Variants in FCRL5 observed in about 807,000 individuals in gnomAD.
FCRL5 encodes Fc receptor like 5.
FCRL5 carries 79 observed loss-of-function variants against 92.1 expected under a neutral mutation model. That is an observed-to-expected ratio of 0.86 (90% CI 0.72 to 1.03). The LOEUF (loss-of-function observed/expected upper bound fraction) is 1.03. FCRL5 is among the 50% of genes least tolerant of loss of function. The probability of loss-of-function intolerance (pLI) is 0.00; values close to 1 mark genes in which losing one functional copy is unlikely to be tolerated. For missense variants in FCRL5, 1,160 were observed against 1,181.1 expected, an observed-to-expected ratio of 0.98 and a Z score of 0.26; for synonymous variants, 466 against 469.3, an observed-to-expected ratio of 0.99 and a Z score of 0.09.
In FCRL5 at chr1:157,531,027, CAG is replaced by C. The variant is rs1159620600; in HGVS notation, c.1682-3134_1682-3133del. On this transcript the variant is annotated intron_variant, in intron 8 of 16. Transcript: ENST00000361835. Reference sequence around the variant, plus strand: ...TTTGCACAGCAAAGGAAACAATTAACAGAGTAAAAAGACAACTTATAGAATGG... The same window carrying C: ...TTTGCACAGCAAAGGAAACAATTAACAGTAAAAAGACAACTTATAGAATGG... Among the ~76,000 whole-genome samples the C allele has an allele frequency of 3.0e-4, 46 of 152,080 alleles. 1 individual carries two copies. The highest frequency in any genetic ancestry group is 7.4e-5 in the Non-Finnish European group (5 of 68,004).
At position 157,542,978 on chromosome 1, in the gene FCRL5, C is replaced by T. The variant is rs139328860; in HGVS notation, c.1004G>A (p.Cys335Tyr). Residue 335 changes from cysteine to tyrosine, a missense_variant, in exon 6 of 17, where the codon TGT (cysteine) becomes TAT (tyrosine). Transcript: ENST00000361835. ...GAAGCTGATGGATGCTCCCCTTTCA[C>T]AGCGGACTGACTTGTGCCTCAGGGG... ...GVPLRHKSVR[C>Y]ERGASISFSL... 120 of 1,614,124 alleles carry T rather than the reference C, an allele frequency of 7.4e-5. No individual in the cohort carries two copies. The highest frequency in any genetic ancestry group is 9.8e-5 in the Non-Finnish European group (116 of 1,180,042).
chr1:157,548,639 C>G (rs1490916618), intron 2 of FCRL5, among the ~76,000 whole-genome samples: 2 of 152,220 alleles, frequency 1.3e-5, no homozygotes, highest in East Asian at 3.8e-4. Flanking sequence ...TGAACAGACA[C>G]TTCTCAAAAG....
intron 1 of FCRL5, among the ~76,000 whole-genome samples, chr1:157,551,749 C>T (rs1651828152): frequency 1.3e-5 from 2 of 152,224 alleles, no homozygotes; most frequent in Non-Finnish European, 2.9e-5. Context: ...TTGATAGAGA[C>T]TTACGTACAC....
chr1:157,540,961 G>A (rs1232557579), intron 6 of FCRL5, among the ~76,000 whole-genome samples: 1 of 152,168 alleles, frequency 6.6e-6, no homozygotes, highest in African/African-American at 2.4e-5. Context: ...GAGGCCCCGA[G>A]TGGGTGAGTC....
chr1:157,549,877 G>A (rs1651738456), intron 1 of FCRL5, among the ~76,000 whole-genome samples: 1 of 152,096 alleles, frequency 6.6e-6, no homozygotes, highest in Admixed American at 6.6e-5. Context: ...CAGGGTGTAA[G>A]TGCAATAACA....
At chr1:157,551,246 G>A (rs1186485187) in intron 1 of FCRL5, among the ~76,000 whole-genome samples, 1 of 152,162 alleles carries the variant, frequency 6.6e-6, no homozygotes, top group South Asian at 2.1e-4. Context: ...TGACCCCAGA[G>A]CCCATGTTAT....
At chr1:157,543,666 A>G (rs922086381) in intron 5 of FCRL5, among the ~76,000 whole-genome samples, 1 of 152,180 alleles carries the variant, frequency 6.6e-6, no homozygotes, top group Non-Finnish European at 1.5e-5. Flanking sequence ...GGGATGACAC[A>G]GGGCTCTACA....
chr1:157,518,049 T>C (rs531567238), intron 15 of FCRL5, among the ~76,000 whole-genome samples: 2 of 152,272 alleles, frequency 1.3e-5, no homozygotes, highest in South Asian at 2.1e-4. Flanking sequence ...GCCTCCAGAA[T>C]TGTGAGAAAT....
chr1:157,520,082 A>C (rs1650107373), intron 12 of FCRL5, among the ~76,000 whole-genome samples: 1 of 152,180 alleles, frequency 6.6e-6, no homozygotes, highest in Non-Finnish European at 1.5e-5. Context: ...TCGGAAAATT[A>C]CTGAATCCTA....
In FCRL5 at chr1:157,544,852, T is replaced by C; in HGVS notation, c.538A>G (p.Thr180Ala). ...TTACCTTGGACTTGGATTTTGACTG[T>C]ATTGGAAGAAACAGGGCAACAACTT... is the stretch of plus-strand genomic sequence containing the variant. ...KESCCPVSSN[T>A]VKIQVQEPFT... The change falls in exon 4 of 17, where the codon ACA becomes GCA. Residue 180 changes from threonine to alanine, a missense_variant. Physicochemically the swap from Thr to Ala is moderately conservative, Grantham distance 58 (BLOSUM62 0). Coordinates refer to ENST00000361835, the MANE Select transcript of FCRL5 (RefSeq NM_031281.3). The C allele has an allele frequency of 6.2e-7, 1 of 1,614,190 alleles. No individual in the cohort carries two copies. The highest frequency in any genetic ancestry group is 8.5e-7 in the Non-Finnish European group (1 of 1,180,024).
At chr1:157,533,818 C>G (rs913622130) in intron 8 of FCRL5, 1 of 153,676 alleles carries the variant, frequency 6.5e-6, no homozygotes, top group African/African-American at 2.4e-5. Flanking sequence ...TTGGAGTAGT[C>G]TCAGAACATT....
At chr1:157,525,222 T>C (rs953708546) in intron 9 of FCRL5, among the ~76,000 whole-genome samples, 22 of 152,242 alleles carry the variant, frequency 1.4e-4, no homozygotes, top group South Asian at 4.1e-4. Context: ...GACAGGGTAC[T>C]ATGAAATGTA....
At chr1:157,518,222 G>A (rs371276613) in intron 15 of FCRL5, among the ~76,000 whole-genome samples, 104 of 152,262 alleles carry the variant, frequency 6.8e-4, no homozygotes, top group African/African-American at 2.4e-3. Context: ...AGGTTATACT[G>A]GGGCCCTCTG....
chr1:157,515,903 G>T lies in FCRL5; in HGVS notation c.2813-30C>A, dbSNP rs745783305. ...GGAAAGAGGAAAGTGTTCAGTTGTG[G>T]AAGACTGGCATGGGGCTCTTCCCTT... On this transcript the variant is annotated intron_variant, in intron 15 of 16. Coordinates refer to ENST00000361835, the MANE Select transcript of FCRL5 (RefSeq NM_031281.3). The T allele has an allele frequency of 2.5e-6, 4 of 1,612,500 alleles. No homozygotes were observed. The South Asian group carries it at 4.4e-5, about 18-fold the overall frequency.
In FCRL5 at chr1:157,539,367, G is replaced by A. The variant is rs1265796015; in HGVS notation, c.1124-3C>T. Reference sequence around the variant, plus strand: ...GAGGACAGGATGAGACACGGGAACTGAGAGAGAGAAAAAATTAGTCAAGAT... The same window carrying A: ...GAGGACAGGATGAGACACGGGAACTAAGAGAGAGAAAAAATTAGTCAAGAT... On this transcript the variant is annotated splice_region_variant and splice_polypyrimidine_tract_variant and intron_variant, in intron 6 of 16. Transcript: ENST00000361835. 6.3e-7 allele frequency: 1 copy of A among 1,582,822 alleles called. No homozygotes were observed. Among genetic ancestry groups the A allele is most frequent in the Non-Finnish European group, 8.6e-7 (1 of 1,164,098 alleles).
chr1:157,539,415 T>A (rs1353530407), intron 6 of FCRL5, 51 bp from the exon 7 acceptor site: 4 of 1,501,858 alleles, frequency 2.7e-6, no homozygotes, highest in Non-Finnish European at 3.6e-6. Context: ...CCTGCTGTAG[T>A]TTTCATAAAA....
At chr1:157,544,606 G>GCA (rs1182653845) in intron 4 of FCRL5, 60 bp from the exon 5 acceptor site, 43 of 1,573,104 alleles carry the variant, frequency 2.7e-5, no homozygotes, top group African/African-American at 1.4e-5. Context: ...TTGGAGAAAA[G>GCA]CACACTTCAA....
intron 7 of FCRL5, among the ~76,000 whole-genome samples, chr1:157,538,397 C>T (rs1434700710): frequency 6.6e-6 from 1 of 152,186 alleles, no homozygotes; most frequent in Non-Finnish European, 1.5e-5. Context: ...TGAACCTGGC[C>T]ATTTAGCCAC....
chr1:157,550,645 C>T (rs1438654819), intron 1 of FCRL5, among the ~76,000 whole-genome samples: 1 of 152,088 alleles, frequency 6.6e-6, no homozygotes, highest in Admixed American at 6.5e-5. Flanking sequence ...TTATGTTCAC[C>T]ATATATCCTC....
Sources: gnomAD v4.1 joint callset for allele counts (sites outside exome capture counted in the v4.1 genomes callset) on GRCh38, gnomAD v4.1.1 for gene constraint, MANE v1.5 for transcripts, NCBI Gene and HGNC (gene_info 2026-07-23, HGNC 2026-07-21) for gene names.